The following MTFR1 variants were observed in gnomAD, a reference collection of about 807,000 sequenced individuals.
MTFR1 encodes mitochondrial fission regulator 1, also known as chondrocyte protein with a poly-proline region.
MTFR1 carries 28 observed loss-of-function variants against 38.8 expected under a neutral mutation model. The ratio of observed to expected loss-of-function variants is 0.72; its 90% confidence interval spans 0.53 to 0.99. The LOEUF is 0.99. Among genes scored for constraint, MTFR1 ranks in the 50% least tolerant of loss-of-function variants. The pLI is 0.00. For synonymous variants in MTFR1, 145 were observed against 137.0 expected (o/e 1.06, Z -0.41); for missense variants, 358 against 395.5 (o/e 0.91, Z 0.81).
At chr8:65,651,511 C>T (rs576998150) in intron 1 of MTFR1, among the ~76,000 whole-genome samples, 3 of 152,118 alleles carry the variant, frequency 2.0e-5, no homozygotes, top group Non-Finnish European at 4.4e-5. Flanking sequence ...TTTCATTCTT[C>T]GGTATGTGGA....
chr8:65,726,915 T>C, intron 3 of MTFR1: 1 of 1,608,578 alleles, frequency 6.2e-7, no homozygotes, highest in South Asian at 1.1e-5. Flanking sequence ...CCTGATTCTC[T>C]CAATAAGCCC....
intron 4 of MTFR1, among the ~76,000 whole-genome samples, chr8:65,694,144 G>A (rs910786574): frequency 1.3e-5 from 2 of 149,232 alleles, no homozygotes; most frequent in East Asian, 2.0e-4. Context: ...GCGTGATCTC[G>A]GCTCATTGCA....
chr8:65,684,627 C>A (rs1224995014), intron 3 of MTFR1, among the ~76,000 whole-genome samples: 1 of 151,722 alleles, frequency 6.6e-6, no homozygotes, highest in Non-Finnish European at 1.5e-5. Flanking sequence ...ACAGGTGATC[C>A]ATCCGCCTCA....
chr8:65,708,430 C>T (rs1282560154), intron 7 of MTFR1: 1 of 296,676 alleles, frequency 3.4e-6, no homozygotes, highest in Non-Finnish European at 6.5e-6. Flanking sequence ...ACAGTGAGAT[C>T]ATTTTCTCTC....
At position 65,734,812 on chromosome 8, in the gene MTFR1, A is replaced by G. The variant is rs1388114983; in HGVS notation, c.*48+15331A>G. ...CTCTTACCTTAGGTTCCTTTAAGTA[A>G]CAGTGCATGGCCTGAGTAACATCCG... On this transcript the variant is annotated intron_variant, in intron 3 of 3. Coordinates refer to the MTFR1 transcript ENST00000521247. 2.5e-6 allele frequency: 4 copies of G among 1,599,414 alleles called. No individual in the cohort carries two copies. The Admixed American group carries it at 6.7e-5, about 27-fold the overall frequency.
chr8:65,659,359 G>T (rs1809349264), intron 1 of MTFR1, among the ~76,000 whole-genome samples: 1 of 151,274 alleles, frequency 6.6e-6, no homozygotes, highest in Non-Finnish European at 1.5e-5. Flanking sequence ...TACTGCTGCA[G>T]AAGGGTGCCA....
At chr8:65,735,335 A>C (rs917479894) in intron 3 of MTFR1, among the ~76,000 whole-genome samples, 1 of 152,082 alleles carries the variant, frequency 6.6e-6, no homozygotes, top group African/African-American at 2.4e-5. Context: ...TTGAGACAGG[A>C]TCTCACTTCG....
intron 3 of MTFR1, among the ~76,000 whole-genome samples, chr8:65,690,315 C>A (rs977562041): frequency 6.6e-6 from 1 of 151,854 alleles, no homozygotes; most frequent in South Asian, 2.1e-4. Flanking sequence ...CAGGTGGAAC[C>A]CCCGAGCCCA....
intron 3 of MTFR1, among the ~76,000 whole-genome samples, chr8:65,746,961 G>A (rs1013834707): frequency 4.3e-4 from 65 of 152,116 alleles, no homozygotes; most frequent in African/African-American, 1.5e-3. Flanking sequence ...AAAATACATT[G>A]GAAATTTAAT....
At position 65,659,143 on chromosome 8, in the gene MTFR1, A is replaced by T. The variant is rs562145670; in HGVS notation, c.-80-10730A>T. Among the ~76,000 whole-genome samples, 4 of 152,264 alleles carry T rather than the reference A, an allele frequency of 2.6e-5. No homozygotes were observed. In the East Asian group the frequency reaches 7.7e-4, roughly 29 times the overall value. On this transcript the variant is annotated intron_variant, in intron 1 of 7. Transcript: ENST00000262146. ...GGGTAGCAGCAGGAGTCCACCGTCT[A>T]TGTCACCTCCCTTCTGTGTTTAACA...
At chr8:65,705,590 C>G (rs1007177346) in intron 5 of MTFR1, among the ~76,000 whole-genome samples, 5 of 152,178 alleles carry the variant, frequency 3.3e-5, no homozygotes, top group Non-Finnish European at 7.3e-5. Context: ...GGGTTGCTAT[C>G]TACTTGGTGA....
At chr8:65,684,582 T>G (rs1474994103) in intron 3 of MTFR1, among the ~76,000 whole-genome samples, 1 of 151,582 alleles carries the variant, frequency 6.6e-6, no homozygotes, top group Non-Finnish European at 1.5e-5. Flanking sequence ...ATGGGGTTTC[T>G]CCGTGTTGGC....
At chr8:65,719,425 C>G (rs1158630951) in exon 3 of MTFR1, 6 of 1,614,026 alleles carry the variant, frequency 3.7e-6, no homozygotes, top group Non-Finnish European at 5.1e-6. Context: ...CAAGCATTGT[C>G]TGGGATAGCC....
chr8:65,741,017 C>T (rs1359629488), intron 3 of MTFR1, among the ~76,000 whole-genome samples: 1 of 152,188 alleles, frequency 6.6e-6, no homozygotes, highest in Middle Eastern at 3.2e-3. Flanking sequence ...CAAGTGGAGT[C>T]ACACCAAGAA....
At chr8:65,675,865 T>C (rs571852972) in intron 2 of MTFR1, among the ~76,000 whole-genome samples, 1 of 152,308 alleles carries the variant, frequency 6.6e-6, no homozygotes, top group African/African-American at 2.4e-5. Flanking sequence ...TGCTCACATA[T>C]CTCCAAACTT....
intron 2 of MTFR1, among the ~76,000 whole-genome samples, chr8:65,716,088 G>T (rs1441591364): frequency 6.7e-6 from 1 of 148,682 alleles, no homozygotes; most frequent in Non-Finnish European, 1.5e-5. Flanking sequence ...AGCCTAGGAG[G>T]TGGAGGCTGC....
intron 4 of MTFR1, among the ~76,000 whole-genome samples, chr8:65,700,143 G>T (rs564354974): frequency 6.6e-6 from 1 of 151,788 alleles, no homozygotes; most frequent in Non-Finnish European, 1.5e-5. Flanking sequence ...TTGACCCCAG[G>T]AGTTCAAGAC....
At chr8:65,715,003 A>C (rs949028055), downstream of MTFR1, among the ~76,000 whole-genome samples, 2 of 152,118 alleles carry the variant, frequency 1.3e-5, no homozygotes, top group African/African-American at 4.8e-5. Flanking sequence ...ACTTGTCAAA[A>C]TTTTCTCTCC....
At chr8:65,685,826 A>G (rs1385476067) in intron 3 of MTFR1, among the ~76,000 whole-genome samples, 2 of 152,228 alleles carry the variant, frequency 1.3e-5, no homozygotes, top group African/African-American at 4.8e-5. Context: ...ATGGGGGAGA[A>G]GATCAGGAGT....
Sources: gnomAD v4.1 joint callset for allele counts (sites outside exome capture counted in the v4.1 genomes callset) on GRCh38, gnomAD v4.1.1 for gene constraint, MANE v1.5 for transcripts, NCBI Gene and HGNC (gene_info 2026-07-23, HGNC 2026-07-21) for gene names.